The following PCARE variants were observed in gnomAD, a reference collection of about 807,000 sequenced individuals.
The protein encoded by PCARE is uncharacterized protein C2orf71.
In PCARE, 72 loss-of-function variants were observed where a neutral mutation model predicts 82.2. The ratio of observed to expected loss-of-function variants is 0.88; its 90% CI spans 0.72 to 1.07. PCARE has a LOEUF of 1.07. PCARE is among the 50% of genes least tolerant of loss of function. The pLI, the probability that PCARE is intolerant of heterozygous loss-of-function variation, is 0.00. For missense variants in PCARE, 1,768 were observed against 1,592.4 expected, an observed-to-expected ratio of 1.11 and a Z score of -1.88; for synonymous variants, 705 against 634.8, an observed-to-expected ratio of 1.11 and a Z score of -1.66.
chr2:29,071,967 G>A lies in PCARE; in HGVS notation c.2295C>T (p.Pro765=). Residue 765 remains proline, a synonymous_variant, in exon 1 of 2, where the codon CCC becomes CCT. Coordinates refer to ENST00000331664, the MANE Select transcript of PCARE (RefSeq NM_001029883.3). The part of the protein sequence containing the change: ...ASPCLRNCIM[P]PRFPKYTGLA... ...GCCCTGTGTACTTGGGAAATCTGGG[G>A]GGCATGATGCAATTCCTGAGGCAGG... is the stretch of plus-strand genomic sequence containing the variant. 6.2e-7 allele frequency: 1 copy of A among 1,614,018 alleles called. No individual in the cohort carries two copies. The highest frequency in any genetic ancestry group is 8.5e-7 in the Non-Finnish European group (1 of 1,179,902).
At position 29,071,969 on chromosome 2, in the gene PCARE, G is replaced by C; in HGVS notation, c.2293C>G (p.Pro765Ala). 1.2e-6 allele frequency: 2 copies of C among 1,614,008 alleles called. No homozygotes were observed. The highest frequency in any genetic ancestry group is 1.7e-6 in the Non-Finnish European group (2 of 1,179,876). Residue 765 changes from proline to alanine, a missense_variant, in exon 1 of 2, where the codon CCC becomes GCC. Pro to Ala is a conservative substitution (Grantham distance 27, BLOSUM62 -1). Transcript: ENST00000331664. ...CCTGTGTACTTGGGAAATCTGGGGG[G>C]CATGATGCAATTCCTGAGGCAGGGA... Reference protein sequence around the residue: ...ASPCLRNCIMPPRFPKYTGLA... With the variant: ...ASPCLRNCIMAPRFPKYTGLA...
rs763558017 is a variant in PCARE at position 29,071,926 on chromosome 2, G to T, written c.2336C>A (p.Pro779Gln). The change falls in exon 1 of 2, where the codon CCG becomes CAG. Residue 779 changes from proline to glutamine, a missense_variant. Transcript: ENST00000331664. ...PKYTGLAPLY[P>Q]KPQISPASGR... The stretch of plus-strand genomic sequence containing the variant: ...TGATGCTGGAGAAATTTGGGGCTTC[G>T]GATACAAAGGGGCAAGCCCTGTGTA... The T allele has an allele frequency of 2.2e-5, 36 of 1,614,042 alleles. No homozygotes were observed. Among genetic ancestry groups the T allele is most frequent in the Middle Eastern group, 3.3e-4 (2 of 6,084 alleles).
At position 29,070,777 on chromosome 2, in the gene PCARE, C is replaced by T. The variant is rs529881063; in HGVS notation, c.3485G>A (p.Cys1162Tyr). ...CCAAGGCCCTGAGCTGTTCTTCCAG[C>T]ATTCTGCTGGGTTCCCGAGAGGGCC... ...AGGPLGNPAE[C>Y]WKNSSGPWLR... The change falls in exon 1 of 2, where the codon TGC becomes TAC. Residue 1162 changes from cysteine (C) to tyrosine (Y), a missense_variant. Coordinates refer to ENST00000331664, the MANE Select transcript of PCARE (RefSeq NM_001029883.3). 9 of 1,614,164 alleles carry T rather than the reference C, an allele frequency of 5.6e-6. No individual in the cohort carries two copies. The South Asian group carries it at 6.6e-5, about 12-fold the overall frequency.
intron 1 of PCARE, among the ~76,000 whole-genome samples, chr2:29,069,708 C>G (rs544722294): frequency 1.3e-5 from 2 of 152,050 alleles, no homozygotes; most frequent in Non-Finnish European, 2.9e-5. Context: ...AAAGTGGACA[C>G]AAGAAAATAC....
chr2:29,073,577 TCTC>T lies in PCARE; in HGVS notation c.682_684del (p.Glu228del), dbSNP rs1667534558. ...GAGATCTCCCCCAACAGCTGGCTGA[TCTC>T]CTCAAAGCACAGCAGCAAGAAGCTG... On this transcript the variant is annotated inframe_deletion, in exon 1 of 2. Transcript: ENST00000331664. 3.7e-6 allele frequency: 6 copies of T among 1,614,160 alleles called. No individual in the cohort carries two copies. Among genetic ancestry groups the T allele is most frequent in the South Asian group, 3.3e-5 (3 of 91,076 alleles).
At position 29,064,822 on chromosome 2, in the gene PCARE, T is replaced by C. The variant is rs747343114; in HGVS notation, c.*47A>G. On this transcript the variant is annotated 3_prime_UTR_variant, in exon 2 of 2. Coordinates refer to ENST00000331664, the MANE Select transcript of PCARE (RefSeq NM_001029883.3). ...CAGGCTGGACACTTGGCTGTCACAC[T>C]TGGCCTTCTGGGGTGACTGCGTGAG... 1 of 1,604,494 alleles carries C rather than the reference T, an allele frequency of 6.2e-7. No individual in the cohort carries two copies. The highest frequency in any genetic ancestry group is 1.3e-5 in the African/African-American group (1 of 74,974).
intron 1 of PCARE, among the ~76,000 whole-genome samples, chr2:29,069,196 T>G (rs1342636029): frequency 2.0e-5 from 3 of 152,190 alleles, no homozygotes; most frequent in African/African-American, 7.2e-5. Context: ...TCTCCCTAAA[T>G]TTTTTGTTGT....
In PCARE at chr2:29,070,706, G is replaced by T; in HGVS notation, c.3556C>A (p.Pro1186Thr). 1.9e-6 allele frequency: 3 copies of T among 1,614,160 alleles called. No homozygotes were observed. The highest frequency in any genetic ancestry group is 2.5e-6 in the Non-Finnish European group (3 of 1,180,046). ...QRRAALCALN[P>T]LPFLRRTASD... ...GCTGTCCTCCTGAGGAAAGGCAGAG[G>T]GTTGAGGGCACACAGAGCTGCTCTC... The change falls in exon 1 of 2, where the codon CCT (proline) becomes ACT (threonine). Residue 1186 changes from proline (P) to threonine (T), a missense_variant. Physicochemically the swap from Pro to Thr is conservative, Grantham distance 38 (BLOSUM62 -1). Transcript: ENST00000331664.
chr2:29,071,836 G>C lies in PCARE; in HGVS notation c.2426C>G (p.Pro809Arg), dbSNP rs1667492400. ...KPLAPIFPPL[P>R]KAEAAKSEEL... The stretch of plus-strand genomic sequence containing the variant: ...CTCACTCTTGGCTGCTTCTGCTTTA[G>C]GCAGAGGGGGAAAGATAGGTGCTAA... The change falls in exon 1 of 2, where the codon CCT (proline) becomes CGT (arginine). Residue 809 changes from proline (P) to arginine (R), a missense_variant. Pro to Arg is a moderately radical substitution (Grantham distance 103). Coordinates refer to ENST00000331664, the MANE Select transcript of PCARE (RefSeq NM_001029883.3). The C allele has an allele frequency of 6.2e-7, 1 of 1,614,122 alleles. No homozygotes were observed. Among genetic ancestry groups the C allele is most frequent in the African/African-American group, 1.3e-5 (1 of 74,946 alleles).
Position 29,073,514 on chromosome 2 carries a change from C to T in PCARE, c.748G>A (p.Asp250Asn), listed in dbSNP as rs754999394. ...GEVLLQEVRE[D>N]LAWPLKKREP... ...CTTTTCTTCAAAGGCCAAGCCAGAT[C>T]CTCCCTGACTTCCTGCAGGAGCACT... The change falls in exon 1 of 2, where the codon GAT (aspartate) becomes AAT (asparagine). Residue 250 changes from aspartate to asparagine, a missense_variant. Physicochemically the swap from Asp to Asn is conservative, Grantham distance 23. Coordinates refer to ENST00000331664, the MANE Select transcript of PCARE (RefSeq NM_001029883.3). 4.3e-6 allele frequency: 7 copies of T among 1,614,196 alleles called. No homozygotes were observed. In the Admixed American group the frequency reaches 1.2e-4, roughly 27 times the overall value.
intron 1 of PCARE, among the ~76,000 whole-genome samples, chr2:29,067,389 G>A (rs1433829318): frequency 6.6e-6 from 1 of 152,196 alleles, no homozygotes; most frequent in East Asian, 1.9e-4. Context: ...GGGCAGGGGT[G>A]CTGGGGAATG....
chr2:29,070,971 C>T lies in PCARE; in HGVS notation c.3291G>A (p.Gln1097=), dbSNP rs183536545. The T allele has an allele frequency of 0.014, 22,573 of 1,608,522 alleles. 203 individuals carry two copies. Among genetic ancestry groups the T allele is most frequent in the Middle Eastern group, 0.026 (155 of 6,052 alleles). The stretch of plus-strand genomic sequence containing the variant: ...CAGAGTCTCTTGTTTCCTTGTGCTC[C>T]TGAGAAGGGGACATTGGGGGTGATG... ...PSPSPPMSPS[Q]EHKETRDSED... Residue 1097 remains glutamine, a synonymous_variant, in exon 1 of 2, where the codon CAG becomes CAA. Transcript: ENST00000331664.
chr2:29,065,017 CAG>C lies in PCARE; in HGVS notation c.3717_3718del (p.Cys1240PhefsTer3), dbSNP rs1407602065. On this transcript the variant is annotated frameshift_variant, in exon 2 of 2. Coordinates refer to ENST00000331664, the MANE Select transcript of PCARE (RefSeq NM_001029883.3). LOFTEE classifies it low-confidence loss of function (END_TRUNC). ...GGTGCCGCCCTGCAGTTCAGGGGAA[CAG>C]GGGCTGCTCCCCGGCTCTGTGTCCT... 56 of 1,560,550 alleles carry C rather than the reference CAG, an allele frequency of 3.6e-5. No individual in the cohort carries two copies. Among genetic ancestry groups the C allele is most frequent in the Non-Finnish European group, 4.7e-5 (54 of 1,152,078 alleles).
At position 29,072,368 on chromosome 2, in the gene PCARE, T is replaced by A. The variant is rs1238711555; in HGVS notation, c.1894A>T (p.Lys632Ter). ...TGCTCCTGGCTCTGCCCCTGCCCTT[T>A]GGCACCCAGGGCATAAAATGCCTCC... is the stretch of plus-strand genomic sequence containing the variant. ...KLEAFYALGAKGQGQSQEQIL... is the reference protein window; with the variant it reads ...KLEAFYALGA Residue 632 changes from lysine to a stop codon, truncating the protein, a stop_gained, in exon 1 of 2, where the codon AAA becomes TAA. Coordinates refer to ENST00000331664, the MANE Select transcript of PCARE (RefSeq NM_001029883.3). LOFTEE classifies it high-confidence loss of function. 6.2e-7 allele frequency: 1 copy of A among 1,614,128 alleles called. No individual in the cohort carries two copies. The highest frequency in any genetic ancestry group is 8.5e-7 in the Non-Finnish European group (1 of 1,179,990).
chr2:29,068,753 C>T (rs1667428442), intron 1 of PCARE, among the ~76,000 whole-genome samples: 1 of 152,172 alleles, frequency 6.6e-6, no homozygotes, highest in Admixed American at 6.5e-5. Context: ...TGGAACTCAG[C>T]CTGCCCGGGG....
At position 29,065,040 on chromosome 2, in the gene PCARE, G is replaced by T. The variant is rs1667371545; in HGVS notation, c.3696C>A (p.Asp1232Glu). Residue 1232 changes from aspartate to glutamate, a missense_variant, in exon 2 of 2, where the codon GAC becomes GAA. Transcript: ENST00000331664. ...NSSSEESPKK[D>E]TEPGSSPCSP... The stretch of plus-strand genomic sequence containing the variant: ...AACAGGGGCTGCTCCCCGGCTCTGT[G>T]TCCTTCTTAGGGCTCTCCTCGCTGC... 2 of 1,550,064 alleles carry T rather than the reference G, an allele frequency of 1.3e-6. No individual in the cohort carries two copies. Among genetic ancestry groups the T allele is most frequent in the East Asian group, 4.9e-5 (2 of 40,814 alleles).
intron 1 of PCARE, among the ~76,000 whole-genome samples, chr2:29,066,461 TTC>T (rs1164412235): frequency 6.6e-6 from 1 of 152,252 alleles, no homozygotes; most frequent in Admixed American, 6.5e-5. Flanking sequence ...AAGAAGGCCC[TTC>T]TCTCTGCTCG....
In PCARE at chr2:29,071,937, G is replaced by T; in HGVS notation, c.2325C>A (p.Ala775=). The change falls in exon 1 of 2, where the codon GCC becomes GCA. Residue 775 remains alanine, a synonymous_variant. Transcript: ENST00000331664. ...PPRFPKYTGL[A]PLYPKPQISP... is the part of the protein sequence containing the mutation. ...AAATTTGGGGCTTCGGATACAAAGG[G>T]GCAAGCCCTGTGTACTTGGGAAATC... 6.2e-7 allele frequency: 1 copy of T among 1,614,182 alleles called. No homozygotes were observed. The highest frequency in any genetic ancestry group is 8.5e-7 in the Non-Finnish European group (1 of 1,180,028).
intron 1 of PCARE, among the ~76,000 whole-genome samples, chr2:29,067,917 C>T (rs1048090873): frequency 6.6e-6 from 1 of 152,242 alleles, no homozygotes; most frequent in Non-Finnish European, 1.5e-5. Flanking sequence ...GGACACAAAA[C>T]AACCTTTTAG....
Sources: allele counts gnomAD v4.1 joint callset (sites outside exome capture counted in the v4.1 genomes callset), GRCh38; gene constraint gnomAD v4.1.1; transcripts MANE v1.5; gene names NCBI Gene and HGNC (gene_info 2026-07-23, HGNC 2026-07-21).